TBC1D22A: variants seen among roughly 807,000 people sequenced by gnomAD.
TBC1D22A encodes the protein TBC1 domain family member 22A, also known as putative GTPase activator.
Under a neutral mutation model 60.2 loss-of-function variants are expected in TBC1D22A, and 38 were observed. The ratio of observed to expected loss-of-function variants is 0.63; its 90% CI spans 0.49 to 0.83. The LOEUF is 0.83. Among genes scored for constraint, TBC1D22A ranks in the 40% least tolerant of loss-of-function variants. The pLI is 0.00. For synonymous variants in TBC1D22A, 302 were observed against 281.7 expected (o/e 1.07, Z -0.72); for missense variants, 628 against 701.0 (o/e 0.90, Z 1.18).
At chr22:46,791,163 C>A (rs2146881455) in intron 1 of TBC1D22A, among the ~76,000 whole-genome samples, 1 of 152,270 alleles carries the variant, frequency 6.6e-6, no homozygotes, top group African/African-American at 2.4e-5. Flanking sequence ...GGACCACAGG[C>A]TTATGTCACC....
intron 4 of TBC1D22A, among the ~76,000 whole-genome samples, chr22:46,836,329 G>A (rs1300089060): frequency 6.6e-6 from 1 of 152,212 alleles, no homozygotes; most frequent in Non-Finnish European, 1.5e-5. Context: ...ATGTGCATGT[G>A]TGTATTTGTA....
Position 46,793,618 on chromosome 22 carries a change from T to C in TBC1D22A, c.237T>C (p.Asp79=), listed in dbSNP as rs778067964. 2.1e-5 allele frequency: 34 copies of C among 1,613,712 alleles called. No homozygotes were observed. The highest frequency in any genetic ancestry group is 6.7e-5 in the East Asian group (3 of 44,882). The change falls in exon 3 of 13, where the codon GAT becomes GAC. Residue 79 remains aspartate, a synonymous_variant. Coordinates refer to ENST00000337137, the MANE Select transcript of TBC1D22A (RefSeq NM_014346.5). Reference sequence around the variant, plus strand: ...CCTGGGACGCTGGGGAGGACGACGATGAGCTCCTGGCCATGGCGGCGGAGA... The same window carrying C: ...CCTGGGACGCTGGGGAGGACGACGACGAGCTCCTGGCCATGGCGGCGGAGA... ...SDAWDAGEDD[D]ELLAMAAESL...
chr22:47,093,113 A>T (rs2065041880), intron 11 of TBC1D22A, among the ~76,000 whole-genome samples: 1 of 152,184 alleles, frequency 6.6e-6, no homozygotes, highest in Non-Finnish European at 1.5e-5. Context: ...ATAATTCATG[A>T]AGTTTTGACA....
intron 8 of TBC1D22A, among the ~76,000 whole-genome samples, chr22:46,944,105 CTTTGAAGAACTGT>C (rs1437252190): frequency 6.6e-6 from 1 of 152,120 alleles, no homozygotes; most frequent in Non-Finnish European, 1.5e-5. Flanking sequence ...TACCTTTTAC[CTTTGAAGAACTGT>C]TTTCCAAAGT....
chr22:47,071,097 C>G (rs1055348960), intron 11 of TBC1D22A, among the ~76,000 whole-genome samples: 4 of 152,220 alleles, frequency 2.6e-5, no homozygotes, highest in Non-Finnish European at 2.9e-5. Context: ...TTACCCCATA[C>G]CTGTGCTTAT....
At chr22:47,170,459 A>G (rs1388092407) in intron 12 of TBC1D22A, among the ~76,000 whole-genome samples, 2 of 152,222 alleles carry the variant, frequency 1.3e-5, no homozygotes, top group South Asian at 2.1e-4. Context: ...TGATGTTGAT[A>G]TGTCCCCAGG....
chr22:47,160,667 G>A (rs2067944737), intron 12 of TBC1D22A, among the ~76,000 whole-genome samples: 1 of 152,228 alleles, frequency 6.6e-6, no homozygotes, highest in Non-Finnish European at 1.5e-5. Flanking sequence ...TTAAATGTCT[G>A]AAATTTGAAT....
intron 12 of TBC1D22A, among the ~76,000 whole-genome samples, chr22:47,164,031 C>A (rs925750530): frequency 6.6e-6 from 1 of 152,236 alleles, no homozygotes; most frequent in Non-Finnish European, 1.5e-5. Flanking sequence ...GCCATCACCG[C>A]GCCAGGTAAC....
intron 12 of TBC1D22A, among the ~76,000 whole-genome samples, chr22:47,151,298 C>G (rs2067491854): frequency 6.6e-6 from 1 of 152,224 alleles, no homozygotes; most frequent in Non-Finnish European, 1.5e-5. Flanking sequence ...AGGCCAGCGG[C>G]TTCCCGGCGC....
chr22:47,070,225 G>A (rs376803999), intron 11 of TBC1D22A, among the ~76,000 whole-genome samples: 10 of 104,132 alleles, frequency 9.6e-5, no homozygotes, highest in South Asian at 2.9e-4. Context: ...TGGTTGGAGC[G>A]GAGCTGACCT....
rs1049959534 is a variant in TBC1D22A, at chr22:46,783,086, C to T, written c.63-9434C>T. On this transcript the variant is annotated intron_variant, in intron 1 of 12. Coordinates refer to ENST00000337137, the MANE Select transcript of TBC1D22A (RefSeq NM_014346.5). ...TTCCCGCTAGCAGTGTGTGAGGTCCCGGTCTCTCTGCATCCTCACCATCAC... is the reference window on the plus strand; with the variant it reads ...TTCCCGCTAGCAGTGTGTGAGGTCCTGGTCTCTCTGCATCCTCACCATCAC... Among the ~76,000 whole-genome samples, 8 of 152,194 alleles carry T rather than the reference C, an allele frequency of 5.3e-5. No individual in the cohort carries two copies. In the South Asian group the frequency reaches 8.3e-4, roughly 16 times the overall value.
At chr22:47,110,732 G>A (rs1291824225) in intron 11 of TBC1D22A, among the ~76,000 whole-genome samples, 1 of 152,204 alleles carries the variant, frequency 6.6e-6, no homozygotes, top group Non-Finnish European at 1.5e-5. Context: ...AGGCAGAGAA[G>A]GTAGCACCCC....
chr22:46,956,476 C>G (rs1010935757), intron 8 of TBC1D22A, among the ~76,000 whole-genome samples: 1 of 152,166 alleles, frequency 6.6e-6, no homozygotes, highest in Non-Finnish European at 1.5e-5. Context: ...AAATTACTTA[C>G]AAGTATCATG....
At chr22:46,924,381 A>T (rs1003702141) in intron 8 of TBC1D22A, among the ~76,000 whole-genome samples, 1 of 152,214 alleles carries the variant, frequency 6.6e-6, no homozygotes, top group Non-Finnish European at 1.5e-5. Context: ...TTGATTTTCT[A>T]TGTCATTTTC....
At chr22:46,977,856 A>C (rs2074363151) in intron 9 of TBC1D22A, among the ~76,000 whole-genome samples, 1 of 152,198 alleles carries the variant, frequency 6.6e-6, no homozygotes, top group African/African-American at 2.4e-5. Flanking sequence ...GGATGGTGCT[A>C]ACCCATTAGA....
chr22:47,037,090 G>A lies in TBC1D22A; in HGVS notation c.1221G>A (p.Leu407=). Reference sequence around the variant, plus strand: ...GTGCAGAGCAAGTGCACCGGCACCTGGACCAACACGAAGTGAGATACCTGC... The same window carrying A: ...GTGCAGAGCAAGTGCACCGGCACCTAGACCAACACGAAGTGAGATACCTGC... ...SRIDEQVHRH[L]DQHEVRYLQF... The change falls in exon 11 of 13, where the codon CTG becomes CTA. Residue 407 remains leucine, a synonymous_variant. Transcript: ENST00000337137. 1 of 1,613,828 alleles carries A rather than the reference G, an allele frequency of 6.2e-7. No homozygotes were observed. The highest frequency in any genetic ancestry group is 8.5e-7 in the Non-Finnish European group (1 of 1,179,810).
rs145360029 is a variant in TBC1D22A at position 46,894,819 on chromosome 22, G to A, written c.873G>A (p.Ala291=). 7.4e-5 allele frequency: 119 copies of A among 1,614,218 alleles called. No homozygotes were observed. The African/African-American group carries it at 1.1e-3, about 14-fold the overall frequency. ...HIDIPRMSPE[A]LILQPKVTEI... is the part of the protein sequence containing the mutation. ...ACATCCCTCGCATGAGCCCTGAAGC[G>A]TTGATCCTGCAGCCCAAGGTGACGG... is the stretch of plus-strand genomic sequence containing the variant. Residue 291 remains alanine (A), a synonymous_variant, in exon 7 of 13, where the codon GCG becomes GCA. Transcript: ENST00000337137.
chr22:46,794,058 C>T (rs1383343095), intron 3 of TBC1D22A, among the ~76,000 whole-genome samples: 1 of 152,190 alleles, frequency 6.6e-6, no homozygotes, highest in Non-Finnish European at 1.5e-5. Context: ...TAGCTACGTG[C>T]GTGTCTCCTC....
At chr22:46,790,704 G>A (rs2084368530) in intron 1 of TBC1D22A, among the ~76,000 whole-genome samples, 1 of 152,188 alleles carries the variant, frequency 6.6e-6, no homozygotes, top group Non-Finnish European at 1.5e-5. Flanking sequence ...AGCCGACACG[G>A]AGACCACTGT....
Sources: gnomAD v4.1 joint callset for allele counts (sites outside exome capture counted in the v4.1 genomes callset) on GRCh38, gnomAD v4.1.1 for gene constraint, MANE v1.5 for transcripts, NCBI Gene and HGNC (gene_info 2026-07-23, HGNC 2026-07-21) for gene names.